The following MCTP2 variants were observed in gnomAD, a reference collection of about 807,000 sequenced individuals.
The protein encoded by MCTP2 is multiple C2 and transmembrane domain-containing protein 2.
A neutral mutation model predicts 111.6 loss-of-function variants in MCTP2; 132 were observed. The observed-to-expected ratio is 1.18, with a 90% CI of 1.03 to 1.37. The LOEUF is 1.37. Among genes scored for constraint, MCTP2 ranks in the 40% most tolerant of loss-of-function variants. The pLI is 0.00. For synonymous variants in MCTP2, 395 were observed against 387.7 expected, an observed-to-expected ratio of 1.02 and a Z score of -0.22; for missense variants, 1,183 against 1,067.9, an observed-to-expected ratio of 1.11 and a Z score of -1.50.
chr15:94,294,941 CTTTTTTTTTTTTTT>C (rs71133001), intron 1 of MCTP2, among the ~76,000 whole-genome samples: 4 of 73,986 alleles, frequency 5.4e-5, no homozygotes, highest in South Asian at 5.3e-4. Flanking sequence ...TTTTCTTTTC[CTTTTTTTTTTTTTT>C]TTTTTTTTTT....
intron 8 of MCTP2, among the ~76,000 whole-genome samples, chr15:94,354,302 T>C (rs34563085): frequency 0.26 from 39,580 of 152,040 alleles, 5,893 homozygotes; most frequent in African/African-American, 0.39. Flanking sequence ...TTAGACTTTG[T>C]GTCCCCACCC....
At chr15:94,434,718 T>G (rs555791013) in intron 17 of MCTP2, among the ~76,000 whole-genome samples, 8 of 152,326 alleles carry the variant, frequency 5.3e-5, no homozygotes, top group African/African-American at 1.9e-4. Flanking sequence ...TCCACTGATG[T>G]ATAAGTCTGT....
intron 8 of MCTP2, among the ~76,000 whole-genome samples, chr15:94,345,689 T>C (rs1425827054): frequency 5.3e-5 from 8 of 152,244 alleles, no homozygotes; most frequent in Admixed American, 3.9e-4. Flanking sequence ...CATTTCTGTC[T>C]GATTTATAAA....
intron 1 of MCTP2, among the ~76,000 whole-genome samples, chr15:94,295,505 G>C (rs2075232690): frequency 6.6e-6 from 1 of 152,020 alleles, no homozygotes. Context: ...GCTTCTCTGG[G>C]CTATGTTCAG....
chr15:94,407,783 A>AGTG, intron 17 of MCTP2, among the ~76,000 whole-genome samples: 1 of 86,754 alleles, frequency 1.2e-5, no homozygotes, highest in South Asian at 3.0e-4. Context: ...GTGCACACAC[A>AGTG]CACACACACA....
chr15:94,458,048 C>G (rs1208668912), intron 19 of MCTP2, 89 bp from the exon 20 acceptor site: 1 of 732,490 alleles, frequency 1.4e-6, no homozygotes, highest in African/African-American at 1.8e-5. Flanking sequence ...TGGTAAAAAC[C>G]TTGTTATTAT....
chr15:94,446,055 G>T (rs1463786101), intron 19 of MCTP2, among the ~76,000 whole-genome samples: 1 of 152,224 alleles, frequency 6.6e-6, no homozygotes, highest in African/African-American at 2.4e-5. Context: ...CTGGAACAGG[G>T]ATTGTTGTAA....
intron 1 of MCTP2, among the ~76,000 whole-genome samples, chr15:94,246,928 C>A (rs1221005521): frequency 6.6e-6 from 1 of 152,158 alleles, no homozygotes; most frequent in Non-Finnish European, 1.5e-5. Flanking sequence ...CTTATAAATA[C>A]TAATGAGTGC....
intron 4 of MCTP2, among the ~76,000 whole-genome samples, chr15:94,332,922 G>T (rs947447289): frequency 7.9e-5 from 12 of 152,128 alleles, no homozygotes; most frequent in Non-Finnish European, 1.8e-4. Context: ...ACATTAAACT[G>T]AATCATAGAA....
intron 7 of MCTP2, chr15:94,341,684 A>G (rs373260431): frequency 6.6e-6 from 1 of 152,176 alleles, no homozygotes. Flanking sequence ...GAAAACCGTG[A>G]TTGATTTACT....
At position 94,242,773 on chromosome 15, in the gene MCTP2, G is replaced by A. The variant is rs141861028; in HGVS notation, c.-66+11109G>A. Among the ~76,000 whole-genome samples the A allele has an allele frequency of 4.4e-3, 667 of 151,374 alleles. 3 individuals are homozygous for A. The highest frequency in any genetic ancestry group is 0.012 in the South Asian group (55 of 4,776). On this transcript the variant is annotated intron_variant, in intron 1 of 22. Coordinates refer to ENST00000357742, the MANE Select transcript of MCTP2 (RefSeq NM_001385001.1). ...ACTAAGTTTTGAGGTCAGAAAGCGA[G>A]TATTGCACATGCACATATCCTATTG...
chr15:94,390,325 T>C (rs1457034519), intron 14 of MCTP2, among the ~76,000 whole-genome samples: 1 of 152,068 alleles, frequency 6.6e-6, no homozygotes, highest in Admixed American at 6.6e-5. Context: ...TTCTAATATT[T>C]GCTCATTTTC....
intron 1 of MCTP2, among the ~76,000 whole-genome samples, chr15:94,245,485 T>C (rs950176636): frequency 2.1e-5 from 3 of 141,102 alleles, no homozygotes; most frequent in Non-Finnish European, 3.0e-5. Context: ...TATATATACA[T>C]ACATGTATGT....
chr15:94,341,158 G>A lies in MCTP2; in HGVS notation c.969+234G>A, dbSNP rs1218682082. On this transcript the variant is annotated intron_variant, in intron 7 of 22. Transcript: ENST00000357742. Reference sequence around the variant, plus strand: ...TTCTTTTGTGTTATTAAGATGATCAGGCATACATTTGCAGCATTTTGGTTT... The same window carrying A: ...TTCTTTTGTGTTATTAAGATGATCAAGCATACATTTGCAGCATTTTGGTTT... The A allele has an allele frequency of 3.3e-5, 15 of 447,856 alleles. No homozygotes were observed. In the East Asian group the frequency reaches 5.2e-4, roughly 16 times the overall value. 27.7% of individuals were successfully genotyped at this position (447,856 alleles called of 1,614,324 possible).
chr15:94,406,546 G>A (rs955471593), intron 17 of MCTP2, among the ~76,000 whole-genome samples: 9 of 152,170 alleles, frequency 5.9e-5, no homozygotes, highest in African/African-American at 2.2e-4. Context: ...CTCATTACAT[G>A]GGCGAGAATA....
chr15:94,351,726 T>C (rs971941923), intron 8 of MCTP2, among the ~76,000 whole-genome samples: 2 of 152,194 alleles, frequency 1.3e-5, no homozygotes, highest in African/African-American at 2.4e-5. Context: ...GGTTGGCTGA[T>C]TGGTATTGTG....
chr15:94,435,833 GT>G, intron 17 of MCTP2, among the ~76,000 whole-genome samples: 1 of 149,644 alleles, frequency 6.7e-6, no homozygotes, highest in Non-Finnish European at 1.5e-5. Flanking sequence ...GGGTTTCACC[GT>G]TTTAGCCGGG....
chr15:94,458,523 G>C (rs2084981274), intron 20 of MCTP2, among the ~76,000 whole-genome samples: 1 of 152,022 alleles, frequency 6.6e-6, no homozygotes, highest in African/African-American at 2.4e-5. Context: ...TATCAGTTTG[G>C]GTGACAAATG....
At chr15:94,382,227 T>G (rs2080178966) in intron 12 of MCTP2, among the ~76,000 whole-genome samples, 1 of 152,260 alleles carries the variant, frequency 6.6e-6, no homozygotes, top group South Asian at 2.1e-4. Context: ...AGATATGGGC[T>G]GAGTTTCTTG....
Sources: allele counts gnomAD v4.1 joint callset (sites outside exome capture counted in the v4.1 genomes callset), GRCh38; gene constraint gnomAD v4.1.1; transcripts MANE v1.5; gene names NCBI Gene and HGNC (gene_info 2026-07-23, HGNC 2026-07-21).